GABRG1: variants seen among roughly 807,000 people sequenced by gnomAD.
The protein encoded by GABRG1 is gamma-aminobutyric acid receptor subunit gamma-1.
In GABRG1, 49 loss-of-function variants were observed where a neutral mutation model predicts 49.8. The ratio of observed to expected loss-of-function variants is 0.98; its 90% CI spans 0.78 to 1.25. The LOEUF (loss-of-function observed/expected upper bound fraction) is 1.25. GABRG1 is among the 50% of genes most tolerant of loss of function. GABRG1 has a pLI of 0.00. For synonymous variants in GABRG1, 232 were observed against 185.1 expected, an observed-to-expected ratio of 1.25 and a Z score of -2.06; for missense variants, 552 against 552.3, an observed-to-expected ratio of 1.00 and a Z score of 0.01.
intron 1 of GABRG1, among the ~76,000 whole-genome samples, chr4:46,117,633 T>C (rs1720946577): frequency 6.9e-6 from 1 of 144,850 alleles, no homozygotes; most frequent in South Asian, 2.1e-4. Context: ...TACACATATG[T>C]ATACATATAT....
intron 2 of GABRG1, among the ~76,000 whole-genome samples, chr4:46,094,369 T>C (rs1488003839): frequency 6.6e-6 from 1 of 151,974 alleles, no homozygotes; most frequent in East Asian, 1.9e-4. Flanking sequence ...CAACAGTTTA[T>C]GGTGGGCACA....
intron 4 of GABRG1, among the ~76,000 whole-genome samples, chr4:46,064,976 T>C (rs951135436): frequency 6.6e-6 from 1 of 152,154 alleles, no homozygotes; most frequent in Non-Finnish European, 1.5e-5. Context: ...ACATCAACCT[T>C]CATTTAATCC....
At chr4:46,059,278 G>A (rs1718577228) in intron 5 of GABRG1, among the ~76,000 whole-genome samples, 1 of 152,104 alleles carries the variant, frequency 6.6e-6, no homozygotes, top group African/African-American at 2.4e-5. Flanking sequence ...CATGCAATAT[G>A]CAAGCATTAC....
chr4:46,117,675 T>C (rs997868712), intron 1 of GABRG1, among the ~76,000 whole-genome samples: 2 of 145,024 alleles, frequency 1.4e-5, no homozygotes, highest in African/African-American at 5.0e-5. Context: ...TATAGCTGTA[T>C]ATATATACAC....
intron 1 of GABRG1, among the ~76,000 whole-genome samples, chr4:46,114,649 A>C (rs1720829312): frequency 6.6e-6 from 1 of 151,010 alleles, no homozygotes; most frequent in Non-Finnish European, 1.5e-5. Flanking sequence ...TCAATGAATA[A>C]GTAAGTGAAC....
At chr4:46,123,067 T>TTC (rs139347395) in intron 1 of GABRG1, among the ~76,000 whole-genome samples, 88 of 143,956 alleles carry the variant, frequency 6.1e-4, no homozygotes, top group African/African-American at 1.5e-3. Flanking sequence ...GGTGACACTT[T>TTC]TCTCTCTCTC....
At position 46,083,977 on chromosome 4, in the gene GABRG1, CT is replaced by C; in HGVS notation, c.321+8del. On this transcript the variant is annotated splice_region_variant and intron_variant, in intron 3 of 8. Coordinates refer to ENST00000295452, the MANE Select transcript of GABRG1 (RefSeq NM_173536.4). Reference sequence around the variant, plus strand: ...GTGGCAGTTATTATTTTTAATATTTCTTACTTACCATATTAATTGGATCAAC... The same window carrying C: ...GTGGCAGTTATTATTTTTAATATTTCTACTTACCATATTAATTGGATCAAC... The C allele has an allele frequency of 6.9e-7, 1 of 1,453,674 alleles. No individual in the cohort carries two copies. The highest frequency in any genetic ancestry group is 9.6e-7 in the Non-Finnish European group (1 of 1,046,918). The allele number at this position is 1,453,674 out of a possible 1,614,324, so 90.0% of individuals were successfully genotyped here.
At chr4:46,104,097 C>T (rs899215693) in intron 1 of GABRG1, among the ~76,000 whole-genome samples, 1 of 151,132 alleles carries the variant, frequency 6.6e-6, no homozygotes, top group Non-Finnish European at 1.5e-5. Flanking sequence ...TTCATTAAGG[C>T]CTCCAAGCTA....
At chr4:46,118,863 G>A (rs1381885193) in intron 1 of GABRG1, among the ~76,000 whole-genome samples, 1 of 151,182 alleles carries the variant, frequency 6.6e-6, no homozygotes. Context: ...GCACTAACAA[G>A]TTTCTGCTTA....
Position 46,111,464 on chromosome 4 carries a change from G to C in GABRG1, c.104+12346C>G, listed in dbSNP as rs9654078. On this transcript the variant is annotated intron_variant, in intron 1 of 8. Transcript: ENST00000295452. The stretch of plus-strand genomic sequence containing the variant: ...TGCTATTCCTATTAAGCTAACAAAA[G>C]AGTTTTCCATAGAACTAGGAAAAAC... 9.9e-5 allele frequency among the ~76,000 whole-genome samples: 15 copies of C among 150,992 alleles called. No individual in the cohort carries two copies. The South Asian group carries it at 2.5e-3, about 25-fold the overall frequency.
intron 2 of GABRG1, among the ~76,000 whole-genome samples, chr4:46,093,044 G>A (rs1353852450): frequency 6.8e-6 from 1 of 147,964 alleles, no homozygotes; most frequent in Non-Finnish European, 1.5e-5. Flanking sequence ...ACTCCAGCCT[G>A]GGCAACAACA....
intron 1 of GABRG1, among the ~76,000 whole-genome samples, chr4:46,103,420 T>C (rs1720444978): frequency 6.6e-6 from 1 of 151,448 alleles, no homozygotes; most frequent in Admixed American, 6.6e-5. Flanking sequence ...ACTTCTGGGT[T>C]AGTTAGTTGG....
chr4:46,051,318 T>A, intron 8 of GABRG1, 106 bp downstream of exon 8: 1 of 781,420 alleles, frequency 1.3e-6, no homozygotes, highest in Non-Finnish European at 2.0e-6. Context: ...TCTTTGGTTA[T>A]GGGTCTCAAG....
intron 3 of GABRG1, among the ~76,000 whole-genome samples, chr4:46,080,295 T>C (rs1668089042): frequency 6.6e-6 from 1 of 151,856 alleles, no homozygotes; most frequent in Admixed American, 6.6e-5. Flanking sequence ...TCAAATCTGC[T>C]TCCTTGATTA....
At chr4:46,052,643 C>T (rs767607299) in intron 7 of GABRG1, among the ~76,000 whole-genome samples, 1 of 151,864 alleles carries the variant, frequency 6.6e-6, no homozygotes, top group East Asian at 1.9e-4. Flanking sequence ...TTCTTTTAAC[C>T]TAAACTTTCA....
Position 46,064,481 on chromosome 4 carries a change from A to G in GABRG1, c.585T>C (p.Phe195=). 2 of 1,541,970 alleles carry G rather than the reference A, an allele frequency of 1.3e-6. No homozygotes were observed. The highest frequency in any genetic ancestry group is 2.0e-5 in the Admixed American group (1 of 50,368). The change falls in exon 5 of 9, where the codon TTT becomes TTC. Residue 195 remains phenylalanine, a synonymous_variant. Coordinates refer to ENST00000295452, the MANE Select transcript of GABRG1 (RefSeq NM_173536.4). ...GTGGACAGGAATGTTCATCCATGGG[A>G]AAGTTATGAAGCTGAAGATAACATT... The part of the protein sequence containing the change: ...NAECYLQLHN[F]PMDEHSCPLE...
chr4:46,107,822 A>G (rs1214994010), intron 1 of GABRG1, among the ~76,000 whole-genome samples: 2 of 151,244 alleles, frequency 1.3e-5, no homozygotes, highest in African/African-American at 2.4e-5. Flanking sequence ...CTTTATACAT[A>G]TGATTATTTT....
chr4:46,080,699 G>T (rs1422349916), intron 3 of GABRG1, among the ~76,000 whole-genome samples: 1 of 151,582 alleles, frequency 6.6e-6, no homozygotes, highest in Non-Finnish European at 1.5e-5. Context: ...CTTGAATCTT[G>T]TTTCTCTTTA....
intron 5 of GABRG1, among the ~76,000 whole-genome samples, chr4:46,062,559 A>C (rs1276344047): frequency 6.6e-6 from 1 of 152,092 alleles, no homozygotes; most frequent in Non-Finnish European, 1.5e-5. Flanking sequence ...CTTTTTAATG[A>C]TCGCCATTTT....
Sources: gnomAD v4.1 joint callset for allele counts (sites outside exome capture counted in the v4.1 genomes callset) on GRCh38, gnomAD v4.1.1 for gene constraint, MANE v1.5 for transcripts, NCBI Gene and HGNC (gene_info 2026-07-23, HGNC 2026-07-21) for gene names.